Variants in LRRC4C observed in about 807,000 individuals in gnomAD.
LRRC4C encodes the protein leucine rich repeat containing 4C.
LRRC4C carries 5 observed loss-of-function variants against 33.6 expected under a neutral mutation model. The observed-to-expected ratio is 0.15, with a 90% CI of 0.08 to 0.31. LRRC4C has a LOEUF of 0.31. Ranked by LOEUF, LRRC4C falls within the 10% of genes least tolerant of loss-of-function variation. The pLI is 1.00. For missense variants in LRRC4C, 560 were observed against 796.7 expected (o/e 0.70, Z 3.58); for synonymous variants, 329 against 302.0 (o/e 1.09, Z -0.93).
intron 1 of LRRC4C, among the ~76,000 whole-genome samples, chr11:40,993,795 A>T (rs532888957): frequency 6.6e-6 from 1 of 152,308 alleles, no homozygotes; most frequent in African/African-American, 2.4e-5. Context: ...TTCCTTGACA[A>T]GGAAGTGATA....
intron 1 of LRRC4C, among the ~76,000 whole-genome samples, chr11:41,110,638 T>C (rs867416726): frequency 4.6e-5 from 7 of 152,198 alleles, no homozygotes; most frequent in Admixed American, 2.6e-4. Flanking sequence ...AAACTTTTTA[T>C]TGTTACGTTT....
At chr11:41,104,217 T>C (rs1190344337) in intron 1 of LRRC4C, among the ~76,000 whole-genome samples, 1 of 151,842 alleles carries the variant, frequency 6.6e-6, no homozygotes, top group African/African-American at 2.4e-5. Flanking sequence ...TAAGATACTT[T>C]TATCCAAAAA....
chr11:40,818,336 TC>T (rs1951788306), intron 2 of LRRC4C, among the ~76,000 whole-genome samples: 1 of 152,062 alleles, frequency 6.6e-6, no homozygotes, highest in Non-Finnish European at 1.5e-5. Context: ...GACTTTCCCT[TC>T]CATCTTTATA....
chr11:40,173,666 T>C (rs1297831136), intron 5 of LRRC4C, among the ~76,000 whole-genome samples: 1 of 152,172 alleles, frequency 6.6e-6, no homozygotes, highest in African/African-American at 2.4e-5. Flanking sequence ...TCTTACTTAG[T>C]GCCTAGATGA....
At chr11:40,460,351 C>A in intron 3 of LRRC4C, among the ~76,000 whole-genome samples, 1 of 151,098 alleles carries the variant, frequency 6.6e-6, no homozygotes, top group Admixed American at 6.6e-5. Flanking sequence ...TAAAATCCAC[C>A]CAAGATACAG....
chr11:41,354,754 G>A (rs1487287609), intron 1 of LRRC4C, among the ~76,000 whole-genome samples: 6 of 152,186 alleles, frequency 3.9e-5, no homozygotes, highest in African/African-American at 1.2e-4. Flanking sequence ...AAGCAATGGG[G>A]AAAGGATTCC....
intron 3 of LRRC4C, among the ~76,000 whole-genome samples, chr11:40,349,317 A>T (rs1478180628): frequency 1.3e-5 from 2 of 152,130 alleles, no homozygotes; most frequent in Non-Finnish European, 2.9e-5. Flanking sequence ...GAATATGCAA[A>T]AGTTTGTCTT....
intron 3 of LRRC4C, among the ~76,000 whole-genome samples, chr11:40,402,816 A>T (rs1038786185): frequency 6.6e-6 from 1 of 152,108 alleles, no homozygotes. Context: ...GAAGCAAAAA[A>T]TATGTCCTTT....
At chr11:40,860,935 A>G (rs1471287749) in intron 2 of LRRC4C, among the ~76,000 whole-genome samples, 1 of 150,298 alleles carries the variant, frequency 6.7e-6, no homozygotes, top group Non-Finnish European at 1.5e-5. Context: ...ACAACGTTGT[A>G]AAGATATTAA....
intron 2 of LRRC4C, among the ~76,000 whole-genome samples, chr11:40,802,973 G>A (rs77527936): frequency 6.6e-6 from 1 of 152,072 alleles, no homozygotes; most frequent in African/African-American, 2.4e-5. Flanking sequence ...AAAAGGCAAT[G>A]CAAAAAGGAT....
At chr11:40,223,745 C>T (rs1261750325) in intron 5 of LRRC4C, among the ~76,000 whole-genome samples, 1 of 152,158 alleles carries the variant, frequency 6.6e-6, no homozygotes, top group East Asian at 1.9e-4. Context: ...TGAAAAGTGC[C>T]AACCACAATT....
In LRRC4C at chr11:40,237,734, T is replaced by C. The variant is rs116844652; in HGVS notation, c.-96+3785A>G. On this transcript the variant is annotated intron_variant, in intron 5 of 6. Transcript: ENST00000528697. ...ATAATCGTGAAAACCCTGATAAGTA[T>C]GAAATATCTATGCCCTTGAAGTTTG... Among the ~76,000 whole-genome samples, 950 of 152,286 alleles carry C rather than the reference T, an allele frequency of 6.2e-3. 5 individuals carry two copies. Among genetic ancestry groups the C allele is most frequent in the Non-Finnish European group, 0.011 (759 of 68,016 alleles).
At chr11:40,132,868 T>C (rs926008694) in intron 6 of LRRC4C, among the ~76,000 whole-genome samples, 1 of 151,990 alleles carries the variant, frequency 6.6e-6, no homozygotes, top group African/African-American at 2.4e-5. Flanking sequence ...TTGAAAAATA[T>C]AGGGGAGAGA....
At chr11:40,190,039 C>G (rs1437634523) in intron 5 of LRRC4C, among the ~76,000 whole-genome samples, 2 of 152,136 alleles carry the variant, frequency 1.3e-5, no homozygotes, top group Admixed American at 6.5e-5. Flanking sequence ...TATCCAGCAA[C>G]ATTGAAGCAA....
chr11:40,988,713 C>CCTTTTTTT (rs1203305681), intron 1 of LRRC4C, among the ~76,000 whole-genome samples: 2 of 57,752 alleles, frequency 3.5e-5, no homozygotes, highest in African/African-American at 4.5e-5. Flanking sequence ...CTTTTCTTTT[C>CCTTTTTTT]TTTTTTTTTT....
rs886716925 is a variant in LRRC4C, at chr11:40,554,882, C to T, written c.-270+93260G>A. ...GACTACAGACGCCCGCTACCACGCC[C>T]GGCTAATTTTTTGTATTTTTAGTAG... On this transcript the variant is annotated intron_variant, in intron 3 of 6. Coordinates refer to ENST00000528697, the MANE Select transcript of LRRC4C (RefSeq NM_001258419.2). 6.2e-4 allele frequency among the ~76,000 whole-genome samples: 93 copies of T among 149,694 alleles called. 1 individual carries two copies. The highest frequency in any genetic ancestry group is 1.1e-3 in the Non-Finnish European group (76 of 67,836).
At chr11:40,994,056 T>A (rs1288468744) in intron 1 of LRRC4C, among the ~76,000 whole-genome samples, 1 of 66,914 alleles carries the variant, frequency 1.5e-5, no homozygotes, top group East Asian at 8.5e-4. Flanking sequence ...GAATGTACTT[T>A]TTTTTTTTTT....
At chr11:41,285,861 G>T (rs1565548064) in intron 1 of LRRC4C, among the ~76,000 whole-genome samples, 1 of 151,766 alleles carries the variant, frequency 6.6e-6, no homozygotes, top group Non-Finnish European at 1.5e-5. Context: ...ATGGAGTCTT[G>T]CTCTGTCACC....
rs200126443 is a variant in LRRC4C at position 40,189,399 on chromosome 11, C to CA, written c.-95-48547dup. The stretch of plus-strand genomic sequence containing the variant: ...TTGGCCTTACATAGATTCCCTAGGA[C>CA]AAAAAAATATAACCTATTTGCTTTG... On this transcript the variant is annotated intron_variant, in intron 5 of 6. Transcript: ENST00000528697. Among the ~76,000 whole-genome samples the CA allele has an allele frequency of 1.4e-3, 214 of 152,046 alleles. 4 individuals are homozygous for CA. In the East Asian group the frequency reaches 0.033, roughly 24 times the overall value.
Sources: gnomAD v4.1 joint callset for allele counts (sites outside exome capture counted in the v4.1 genomes callset) on GRCh38, gnomAD v4.1.1 for gene constraint, MANE v1.5 for transcripts, NCBI Gene and HGNC (gene_info 2026-07-23, HGNC 2026-07-21) for gene names.